The following PPM1D variants were observed in gnomAD, a reference collection of about 807,000 sequenced individuals.
PPM1D encodes protein phosphatase, Mg2+/Mn2+ dependent 1D, also known as protein phosphatase 1D.
PPM1D carries 52 observed loss-of-function variants against 58.3 expected under a neutral mutation model. The ratio of observed to expected loss-of-function variants is 0.89; its 90% CI spans 0.71 to 1.12. The LOEUF is 1.12. Ranked by LOEUF, PPM1D falls within the 50% of genes most tolerant of loss-of-function variation. PPM1D has a pLI of 0.00. For synonymous variants in PPM1D, 278 were observed against 285.1 expected (o/e 0.98, Z 0.25); for missense variants, 564 against 777.2 (o/e 0.73, Z 3.26).
At chr17:60,640,495 A>T (rs1317768398) in intron 3 of PPM1D, among the ~76,000 whole-genome samples, 2 of 152,184 alleles carry the variant, frequency 1.3e-5, no homozygotes, top group East Asian at 1.9e-4. Context: ...TGCAACTGTC[A>T]TCCACCATTC....
intron 5 of PPM1D, among the ~76,000 whole-genome samples, chr17:60,657,942 T>C (rs1036709042): frequency 4.6e-5 from 7 of 152,202 alleles, no homozygotes; most frequent in African/African-American, 1.4e-4. Context: ...GGTTTCACCA[T>C]GTTGTCCAAG....
chr17:60,646,260 A>G (rs1436995704), intron 3 of PPM1D, among the ~76,000 whole-genome samples: 1 of 152,144 alleles, frequency 6.6e-6, no homozygotes. Flanking sequence ...TTGCTTTTTG[A>G]AGAGTCTGGT....
chr17:60,616,666 ATAGAT>A (rs1218112736), intron 1 of PPM1D, among the ~76,000 whole-genome samples: 8 of 152,182 alleles, frequency 5.3e-5, no homozygotes, highest in Admixed American at 2.0e-4. Context: ...AGTACTATAA[ATAGAT>A]TAGTAGGATG....
At chr17:60,647,025 C>G (rs2031262056) in intron 3 of PPM1D, among the ~76,000 whole-genome samples, 1 of 152,162 alleles carries the variant, frequency 6.6e-6, no homozygotes, top group Non-Finnish European at 1.5e-5. Flanking sequence ...ATTGGTACTT[C>G]TGTTTGTAGG....
At chr17:60,615,055 A>G in intron 1 of PPM1D, among the ~76,000 whole-genome samples, 1 of 152,154 alleles carries the variant, frequency 6.6e-6, no homozygotes, top group East Asian at 1.9e-4. Flanking sequence ...ATGTTATAAC[A>G]ATTTATTGGT....
intron 2 of PPM1D, among the ~76,000 whole-genome samples, chr17:60,624,390 A>G (rs2030764221): frequency 6.6e-6 from 1 of 152,226 alleles, no homozygotes; most frequent in South Asian, 2.1e-4. Context: ...TTTCTAAATA[A>G]TCCTTCTAAC....
chr17:60,637,118 G>A (rs1456037378), intron 3 of PPM1D, among the ~76,000 whole-genome samples: 8 of 152,020 alleles, frequency 5.3e-5, no homozygotes, highest in African/African-American at 9.6e-5. Flanking sequence ...ATAGGCGTGC[G>A]CCCCCACGCC....
intron 1 of PPM1D, among the ~76,000 whole-genome samples, chr17:60,601,186 G>T (rs2030202695): frequency 6.6e-6 from 1 of 152,230 alleles, no homozygotes; most frequent in Non-Finnish European, 1.5e-5. Context: ...CAGAGGAAAC[G>T]TGTTTGAAAC....
rs1263283172 is a variant in PPM1D, at chr17:60,664,343, T to G, written c.*791T>G. 6 of 152,680 alleles carry G rather than the reference T, an allele frequency of 3.9e-5. No homozygotes were observed. The highest frequency in any genetic ancestry group is 1.4e-4 in the African/African-American group (6 of 41,470). 9.5% of individuals were successfully genotyped at this position (152,680 alleles called of 1,614,324 possible). Reference sequence around the variant, plus strand: ...TCCCTTCTCGTGTTTGCTTAAAATATGTGAAGTTTTCCTTGCTATTTCAAT... The same window carrying G: ...TCCCTTCTCGTGTTTGCTTAAAATAGGTGAAGTTTTCCTTGCTATTTCAAT... On this transcript the variant is annotated 3_prime_UTR_variant, in exon 6 of 6. Coordinates refer to ENST00000305921, the MANE Select transcript of PPM1D (RefSeq NM_003620.4).
At chr17:60,634,273 A>G (rs530499978) in intron 3 of PPM1D, among the ~76,000 whole-genome samples, 25 of 152,172 alleles carry the variant, frequency 1.6e-4, no homozygotes, top group Non-Finnish European at 3.1e-4. Flanking sequence ...TTAGCTGGGC[A>G]TAGTGATGTG....
At chr17:60,639,123 A>AT (rs1016408736) in intron 3 of PPM1D, among the ~76,000 whole-genome samples, 9 of 151,160 alleles carry the variant, frequency 6.0e-5, no homozygotes, top group Admixed American at 2.6e-4. Context: ...AAAAAAAATT[A>AT]TTTTTTTTTG....
At chr17:60,643,937 T>A (rs1407053844) in intron 3 of PPM1D, among the ~76,000 whole-genome samples, 1 of 130,822 alleles carries the variant, frequency 7.6e-6, no homozygotes, top group Non-Finnish European at 1.5e-5. Flanking sequence ...CAGGCTGGAG[T>A]GCAGTGGCAT....
At chr17:60,640,814 A>C (rs1480797119) in intron 3 of PPM1D, among the ~76,000 whole-genome samples, 3 of 151,648 alleles carry the variant, frequency 2.0e-5, no homozygotes, top group Non-Finnish European at 4.4e-5. Context: ...TTCCTAAAAG[A>C]AATTGGAAAT....
intron 1 of PPM1D, among the ~76,000 whole-genome samples, chr17:60,611,991 GTACACATGTAGCCACTGAC>G (rs1356099131): frequency 6.6e-6 from 1 of 151,330 alleles, no homozygotes; most frequent in Non-Finnish European, 1.5e-5. Flanking sequence ...ATTGACTGGA[GTACACATGTAGCCACTGAC>G]TACATGTAGT....
intron 2 of PPM1D, among the ~76,000 whole-genome samples, chr17:60,630,179 A>T (rs2030891687): frequency 1.3e-5 from 2 of 152,034 alleles, no homozygotes; most frequent in Non-Finnish European, 2.9e-5. Context: ...TCTCTAAAAA[A>T]TTTTTTTATA....
intron 1 of PPM1D, among the ~76,000 whole-genome samples, chr17:60,611,777 C>T (rs1284043020): frequency 6.6e-6 from 1 of 152,092 alleles, no homozygotes; most frequent in Non-Finnish European, 1.5e-5. Context: ...CAGGTATCTT[C>T]CAGTTTTTAG....
At chr17:60,645,632 A>G (rs1012693202) in intron 3 of PPM1D, among the ~76,000 whole-genome samples, 15 of 138,050 alleles carry the variant, frequency 1.1e-4, no homozygotes, top group Non-Finnish European at 1.8e-4. Flanking sequence ...ATGTATATGT[A>G]TATGTGTGTG....
intron 1 of PPM1D, among the ~76,000 whole-genome samples, chr17:60,601,213 G>T (rs1383363847): frequency 6.6e-6 from 1 of 152,124 alleles, no homozygotes; most frequent in East Asian, 1.9e-4. Flanking sequence ...CCAGATTTTG[G>T]CCAAAAGATA....
chr17:60,647,206 A>G lies in PPM1D; in HGVS notation c.827-686A>G, dbSNP rs141605932. On this transcript the variant is annotated intron_variant, in intron 3 of 5. Coordinates refer to ENST00000305921, the MANE Select transcript of PPM1D (RefSeq NM_003620.4). ...CATCTTTATTATAGTAAGTATTGCTATCTATGAATCTGATTGGTTACTTCA... is the reference window on the plus strand; with the variant it reads ...CATCTTTATTATAGTAAGTATTGCTGTCTATGAATCTGATTGGTTACTTCA... Among the ~76,000 whole-genome samples, 12 of 152,312 alleles carry G rather than the reference A, an allele frequency of 7.9e-5. No homozygotes were observed. The East Asian group carries it at 2.3e-3, about 29-fold the overall frequency.
Sources: gnomAD v4.1 joint callset for allele counts (sites outside exome capture counted in the v4.1 genomes callset) on GRCh38, gnomAD v4.1.1 for gene constraint, MANE v1.5 for transcripts, NCBI Gene and HGNC (gene_info 2026-07-23, HGNC 2026-07-21) for gene names.